Variants in KIAA0586 observed in about 807,000 individuals in gnomAD.
The protein encoded by KIAA0586 is KIAA0586, also known as protein TALPID3.
Under a neutral mutation model 169.8 loss-of-function variants are expected in KIAA0586, and 144 were observed. That is an observed-to-expected ratio of 0.85 (90% confidence interval 0.74 to 0.97). KIAA0586 has a LOEUF of 0.97. KIAA0586 is among the 50% of genes least tolerant of loss of function. The probability of loss-of-function intolerance (pLI) is 0.00; values close to 1 mark genes in which losing one functional copy is unlikely to be tolerated. For synonymous variants in KIAA0586, 625 were observed against 612.4 expected, an observed-to-expected ratio of 1.02 and a Z score of -0.30; for missense variants, 1,854 against 1,823.0, an observed-to-expected ratio of 1.02 and a Z score of -0.31.
downstream of KIAA0586, among the ~76,000 whole-genome samples, chr14:58,554,901 C>T (rs901898302): frequency 1.3e-5 from 2 of 152,090 alleles, no homozygotes; most frequent in Non-Finnish European, 2.9e-5. Context: ...TCAGCACCTC[C>T]ATTTGTTCTT....
chr14:58,538,658 C>G (rs1007836458), intron 29 of KIAA0586, among the ~76,000 whole-genome samples: 1 of 151,730 alleles, frequency 6.6e-6, no homozygotes, highest in Non-Finnish European at 1.5e-5. Context: ...AATTACTGGG[C>G]CTAATTCATT....
intron 20 of KIAA0586, among the ~76,000 whole-genome samples, chr14:58,481,092 A>T (rs928539896): frequency 1.3e-5 from 2 of 152,232 alleles, no homozygotes; most frequent in African/African-American, 4.8e-5. Flanking sequence ...TGAATTTGGG[A>T]TTGGGATAGT....
Position 58,467,938 on chromosome 14 carries a change from T to C in KIAA0586, c.2442+16T>C. 2 of 1,544,102 alleles carry C rather than the reference T, an allele frequency of 1.3e-6. No homozygotes were observed. The highest frequency in any genetic ancestry group is 2.3e-5 in the East Asian group (1 of 43,676). The stretch of plus-strand genomic sequence containing the variant: ...TACTGTGCAGGTATGCCAGGGTGCA[T>C]GAGTAGAAAATTTTAAGGAAGAAAA... On this transcript the variant is annotated intron_variant, in intron 16 of 30. Transcript: ENST00000652326.
intron 20 of KIAA0586, among the ~76,000 whole-genome samples, chr14:58,480,666 T>C (rs1387022475): frequency 6.6e-6 from 1 of 152,184 alleles, no homozygotes; most frequent in Non-Finnish European, 1.5e-5. Flanking sequence ...GAGTTATTAT[T>C]TGTTCTATTT....
At chr14:58,518,134 T>A (rs1043312887) in intron 29 of KIAA0586, among the ~76,000 whole-genome samples, 2 of 152,314 alleles carry the variant, frequency 1.3e-5, no homozygotes. Flanking sequence ...TATTACTAAG[T>A]TTATGACACT....
chr14:58,453,926 A>G (rs1415404170), intron 9 of KIAA0586, among the ~76,000 whole-genome samples: 1 of 152,180 alleles, frequency 6.6e-6, no homozygotes, highest in Non-Finnish European at 1.5e-5. Context: ...CTGGGCCATG[A>G]TAATTATATT....
intron 29 of KIAA0586, among the ~76,000 whole-genome samples, chr14:58,534,646 A>G (rs1018866618): frequency 6.6e-6 from 1 of 152,108 alleles, no homozygotes; most frequent in Non-Finnish European, 1.5e-5. Context: ...GTGCACTGGT[A>G]TTTCAAGGTT....
In KIAA0586 at chr14:58,547,963, G is replaced by A. The variant is rs770866215; in HGVS notation, c.*31G>A. 4 of 1,607,696 alleles carry A rather than the reference G, an allele frequency of 2.5e-6. No individual in the cohort carries two copies. The highest frequency in any genetic ancestry group is 3.4e-6 in the Non-Finnish European group (4 of 1,176,162). ...AAGAGACAGCCAGCACAGTGTTTAT[G>A]CCACTGGTTTTAAAGTCATTTTACC... On this transcript the variant is annotated 3_prime_UTR_variant, in exon 31 of 31. Transcript: ENST00000652326.
At chr14:58,439,288 G>A (rs753503606) in intron 4 of KIAA0586, among the ~76,000 whole-genome samples, 3 of 152,042 alleles carry the variant, frequency 2.0e-5, no homozygotes, top group African/African-American at 7.2e-5. Flanking sequence ...CTGGGTTCAC[G>A]CCATTCTCCT....
At position 58,428,303 on chromosome 14, in the gene KIAA0586, G is replaced by T; in HGVS notation, c.39G>T (p.Lys13Asn). The change falls in exon 1 of 31, where the codon AAG becomes AAT. Residue 13 changes from lysine (K) to asparagine (N), a missense_variant. Lys to Asn is a moderately conservative substitution (Grantham distance 94). Transcript: ENST00000652326. ...AGGTCAGCTTGGAGAAGAAAAAAAAGATTAAGATGCCAGTGAAGAGACTTC... is the reference window on the plus strand; with the variant it reads ...AGGTCAGCTTGGAGAAGAAAAAAAATATTAAGATGCCAGTGAAGAGACTTC... ...GSEVSLEKKK[K>N]IKMPVKRLRE... The T allele has an allele frequency of 1.2e-6, 2 of 1,613,890 alleles. No individual in the cohort carries two copies. The highest frequency in any genetic ancestry group is 1.7e-6 in the Non-Finnish European group (2 of 1,179,846).
intron 25 of KIAA0586, among the ~76,000 whole-genome samples, chr14:58,491,241 C>T (rs2042818038): frequency 6.6e-6 from 1 of 152,106 alleles, no homozygotes; most frequent in Admixed American, 6.5e-5. Context: ...TAAATTATAA[C>T]TTGTTTCTCT....
At chr14:58,538,213 T>C (rs1330395302) in intron 29 of KIAA0586, among the ~76,000 whole-genome samples, 1 of 152,200 alleles carries the variant, frequency 6.6e-6, no homozygotes, top group African/African-American at 2.4e-5. Context: ...TTTGGTCTAT[T>C]TGTGGATATC....
At position 58,435,500 on chromosome 14, in the gene KIAA0586, AAC is replaced by A. The variant is rs2037751648; in HGVS notation, c.410+3047_410+3048del. On this transcript the variant is annotated intron_variant, in intron 4 of 30. Transcript: ENST00000652326. ...TTCAATATCCTCCTTTTAACCGTGTAACACATTATTGTTAACTATACTCATCC... is the reference window on the plus strand; with the variant it reads ...TTCAATATCCTCCTTTTAACCGTGTAACATTATTGTTAACTATACTCATCC... 2.6e-5 allele frequency among the ~76,000 whole-genome samples: 4 copies of A among 152,162 alleles called. No homozygotes were observed. In the South Asian group the frequency reaches 8.3e-4, roughly 32 times the overall value.
chr14:58,542,410 G>A (rs1453228761), intron 30 of KIAA0586, among the ~76,000 whole-genome samples: 1 of 151,944 alleles, frequency 6.6e-6, no homozygotes, highest in East Asian at 1.9e-4. Context: ...CCGGGAGGTG[G>A]AGGTTGCAGT....
At chr14:58,560,398 T>C in the KIAA0586 span, among the ~76,000 whole-genome samples, 1 of 152,218 alleles carries the variant, frequency 6.6e-6, no homozygotes, top group South Asian at 2.1e-4. Context: ...TGCCGGATTG[T>C]TGAGGACTTG....
intron 24 of KIAA0586, among the ~76,000 whole-genome samples, chr14:58,489,901 T>C (rs1446246543): frequency 6.6e-6 from 1 of 152,154 alleles, no homozygotes; most frequent in Non-Finnish European, 1.5e-5. Context: ...TACCCGTTTC[T>C]CAATTTCATA....
intron 26 of KIAA0586, 75 bp downstream of exon 26, chr14:58,492,350 G>C (rs2042889814): frequency 2.3e-6 from 3 of 1,328,532 alleles, no homozygotes; most frequent in Non-Finnish European, 3.0e-6. Context: ...CTTACTACTA[G>C]TTAAAGCATG....
Position 58,508,603 on chromosome 14 carries a change from G to A in KIAA0586, c.4217G>A (p.Gly1406Glu). 2.5e-6 allele frequency: 4 copies of A among 1,598,388 alleles called. No homozygotes were observed. The highest frequency in any genetic ancestry group is 2.6e-6 in the Non-Finnish European group (3 of 1,171,606). Residue 1406 changes from glycine (G) to glutamate (E), a missense_variant, in exon 28 of 31, where the codon GGA (glycine) becomes GAA (glutamate). Gly to Glu is a moderately conservative substitution (Grantham distance 98). Coordinates refer to ENST00000652326, the MANE Select transcript of KIAA0586 (RefSeq NM_001329943.3). ...GCTAGTCATGGTCCAATGAGTTTGG[G>A]AGAATTGGAGTTGGAGCCAAATTCT... ...SCASHGPMSL[G>E]ELELEPNSKL...
At chr14:58,560,383 A>G in the KIAA0586 span, among the ~76,000 whole-genome samples, 1 of 152,186 alleles carries the variant, frequency 6.6e-6, no homozygotes, top group Non-Finnish European at 1.5e-5. Context: ...GCTGGTTCTC[A>G]TGTATGCCGG....
Sources: gnomAD v4.1 joint callset for allele counts (sites outside exome capture counted in the v4.1 genomes callset) on GRCh38, gnomAD v4.1.1 for gene constraint, MANE v1.5 for transcripts, NCBI Gene and HGNC (gene_info 2026-07-23, HGNC 2026-07-21) for gene names.